Variants in TAS2R1 observed in about 807,000 individuals in gnomAD.
TAS2R1 encodes taste receptor type 2 member 1.
For missense variants in TAS2R1, 370 were observed against 353.4 expected, an observed-to-expected ratio of 1.05 and a Z score of -0.38; for synonymous variants, 141 against 134.2, an observed-to-expected ratio of 1.05 and a Z score of -0.35.
the TAS2R1 span, among the ~76,000 whole-genome samples, chr5:9,738,175 G>A: frequency 4.6e-5 from 7 of 152,104 alleles, no homozygotes; most frequent in Admixed American, 2.6e-4. Flanking sequence ...GGATAAACTA[G>A]CACATTCTTT....
At chr5:9,815,265 T>TG in the TAS2R1 span, among the ~76,000 whole-genome samples, 2 of 152,152 alleles carry the variant, frequency 1.3e-5, no homozygotes, top group Admixed American at 1.3e-4. Context: ...TTCACAGGAC[T>TG]GGGGGAAAAT....
upstream of TAS2R1, among the ~76,000 whole-genome samples, chr5:9,633,266 AGTGTGTGTGTGT>A (rs141170591): frequency 8.2e-6 from 1 of 121,872 alleles, no homozygotes; most frequent in Non-Finnish European, 1.6e-5. Context: ...AGTATTCCAT[AGTGTGTGTGTGT>A]GTGTGTGTGT....
intron 1 of TAS2R1, among the ~76,000 whole-genome samples, chr5:9,707,910 C>T (rs1160663756): frequency 2.6e-5 from 4 of 152,092 alleles, no homozygotes; most frequent in Non-Finnish European, 4.4e-5. Context: ...CCTCTCCCTG[C>T]AAACACATGC....
the TAS2R1 span, among the ~76,000 whole-genome samples, chr5:9,733,498 A>G: frequency 6.6e-6 from 1 of 152,348 alleles, no homozygotes; most frequent in Admixed American, 6.5e-5. Context: ...TGGGTCTGAA[A>G]CCAGTGGAGA....
At chr5:9,787,983 A>G in the TAS2R1 span, among the ~76,000 whole-genome samples, 1 of 152,210 alleles carries the variant, frequency 6.6e-6, no homozygotes, top group Non-Finnish European at 1.5e-5. Flanking sequence ...ATGTGGCACA[A>G]TCCAGGCGAT....
upstream of TAS2R1, among the ~76,000 whole-genome samples, chr5:9,630,535 G>A (rs1180005860): frequency 1.3e-5 from 2 of 152,196 alleles, no homozygotes; most frequent in African/African-American, 2.4e-5. Flanking sequence ...CTCCTGAGTA[G>A]TTCTCCAATA....
At chr5:9,882,761 T>C in the TAS2R1 span, among the ~76,000 whole-genome samples, 1 of 152,242 alleles carries the variant, frequency 6.6e-6, no homozygotes. Flanking sequence ...GAAGATGGTG[T>C]TGTTATTCCT....
At chr5:9,778,480 T>C in the TAS2R1 span, among the ~76,000 whole-genome samples, 1 of 152,230 alleles carries the variant, frequency 6.6e-6, no homozygotes, top group Non-Finnish European at 1.5e-5. Context: ...CCAGGAATTG[T>C]CTTCTCTCTA....
chr5:9,800,266 T>C, the TAS2R1 span, among the ~76,000 whole-genome samples: 1 of 152,208 alleles, frequency 6.6e-6, no homozygotes, highest in African/African-American at 2.4e-5. Context: ...GTGTAGACAT[T>C]GAAAAATGCT....
the TAS2R1 span, among the ~76,000 whole-genome samples, chr5:9,891,938 C>T: frequency 6.6e-6 from 1 of 152,294 alleles, no homozygotes; most frequent in South Asian, 2.1e-4. Context: ...CCTACCTAAC[C>T]ACCTCTAGCT....
chr5:9,743,008 T>A, the TAS2R1 span, among the ~76,000 whole-genome samples: 2 of 151,618 alleles, frequency 1.3e-5, no homozygotes, highest in Non-Finnish European at 2.9e-5. Context: ...CAAGATCTCA[T>A]CAGGAACCAA....
At chr5:9,680,278 T>C (rs1012735251) in intron 1 of TAS2R1, among the ~76,000 whole-genome samples, 2 of 152,158 alleles carry the variant, frequency 1.3e-5, no homozygotes, top group Non-Finnish European at 2.9e-5. Flanking sequence ...CATTTATAAA[T>C]GGGGAGAAGA....
At chr5:9,771,989 A>G in the TAS2R1 span, among the ~76,000 whole-genome samples, 1 of 151,434 alleles carries the variant, frequency 6.6e-6, no homozygotes, top group African/African-American at 2.4e-5. Context: ...TGTTCTATTT[A>G]TTTCAACTTC....
At chr5:9,866,746 A>T in the TAS2R1 span, among the ~76,000 whole-genome samples, 2 of 152,238 alleles carry the variant, frequency 1.3e-5, no homozygotes, top group Admixed American at 1.3e-4. Flanking sequence ...CTTTGCTTAT[A>T]ATCTTAACTT....
rs556421450 is a variant in TAS2R1, at chr5:9,688,527, G to C, written c.-242+23645C>G. Among the ~76,000 whole-genome samples the C allele has an allele frequency of 8.5e-5, 13 of 152,222 alleles. No homozygotes were observed. The South Asian group carries it at 2.5e-3, about 29-fold the overall frequency. ...GAGCTGGTAGACTTGATGGATTATC[G>C]AGGCTGAATAGAAGGGCCGGATAAT... On this transcript the variant is annotated intron_variant, in intron 1 of 2. Transcript: ENST00000506620.
the TAS2R1 span, among the ~76,000 whole-genome samples, chr5:9,763,764 A>C: frequency 6.6e-6 from 1 of 152,214 alleles, no homozygotes. Context: ...AATTAGAGAC[A>C]TCAAAACCCC....
chr5:9,876,596 G>A, the TAS2R1 span, among the ~76,000 whole-genome samples: 1 of 151,998 alleles, frequency 6.6e-6, no homozygotes, highest in Non-Finnish European at 1.5e-5. Flanking sequence ...TTGCTGGTGG[G>A]GTTTTTAAAA....
At chr5:9,891,515 T>G in the TAS2R1 span, among the ~76,000 whole-genome samples, 19,542 of 152,098 alleles carry the variant, frequency 0.13, 1,493 homozygotes, top group African/African-American at 0.22. Flanking sequence ...TTGGATCCCA[T>G]GCACAGAGTA....
the TAS2R1 span, among the ~76,000 whole-genome samples, chr5:9,764,713 A>G: frequency 6.6e-6 from 1 of 152,328 alleles, no homozygotes; most frequent in Admixed American, 6.5e-5. Context: ...ATGGAAAACA[A>G]TTTCTCTAGA....
Sources: allele counts gnomAD v4.1 joint callset (sites outside exome capture counted in the v4.1 genomes callset), GRCh38; gene constraint gnomAD v4.1.1; transcripts MANE v1.5; gene names NCBI Gene and HGNC (gene_info 2026-07-23, HGNC 2026-07-21).